THSD7A: variants seen among roughly 807,000 people sequenced by gnomAD.
THSD7A encodes the protein thrombospondin type 1 domain containing 7A.
In THSD7A, 96 loss-of-function variants were observed where a neutral mutation model predicts 231.3. That is an observed-to-expected ratio of 0.41 (90% CI 0.35 to 0.49). The LOEUF (loss-of-function observed/expected upper bound fraction) is 0.49. THSD7A is among the 20% of genes least tolerant of loss of function. The probability of loss-of-function intolerance (pLI) is 0.05; values close to 1 mark genes in which losing one functional copy is unlikely to be tolerated. For missense variants in THSD7A, 2,290 were observed against 2,070.2 expected, an observed-to-expected ratio of 1.11 and a Z score of -2.06; for synonymous variants, 940 against 743.3, an observed-to-expected ratio of 1.26 and a Z score of -4.30.
At chr7:11,487,613 T>C (rs953937835) in intron 6 of THSD7A, among the ~76,000 whole-genome samples, 1 of 152,110 alleles carries the variant, frequency 6.6e-6, no homozygotes, top group Non-Finnish European at 1.5e-5. Flanking sequence ...TTTAATGGAC[T>C]TACAGTTCCA....
intron 1 of THSD7A, among the ~76,000 whole-genome samples, chr7:11,759,306 A>T (rs1003810518): frequency 1.2e-4 from 18 of 152,242 alleles, no homozygotes; most frequent in African/African-American, 4.3e-4. Flanking sequence ...ATGTAATTTG[A>T]AAAAGAACCA....
At chr7:11,651,736 G>A (rs56839529) in intron 1 of THSD7A, among the ~76,000 whole-genome samples, 129 of 152,024 alleles carry the variant, frequency 8.5e-4, no homozygotes, top group African/African-American at 2.9e-3. Context: ...TATAGATCTG[G>A]TAGCTTTTCT....
At chr7:11,452,297 T>C (rs1283447311) in intron 11 of THSD7A, among the ~76,000 whole-genome samples, 9 of 152,140 alleles carry the variant, frequency 5.9e-5, no homozygotes, top group South Asian at 2.1e-4. Context: ...TAATTGTGCT[T>C]AGAAATAAGA....
At chr7:11,694,068 G>C (rs763429597) in intron 1 of THSD7A, among the ~76,000 whole-genome samples, 17 of 151,480 alleles carry the variant, frequency 1.1e-4, no homozygotes, top group Admixed American at 8.6e-4. Flanking sequence ...CTATATAAAA[G>C]TATGAATGAA....
At position 11,831,827 on chromosome 7, in the gene THSD7A, T is replaced by TAGCAGC; in HGVS notation, c.114_119dup (p.Leu39_Leu40dup). 7.0e-7 allele frequency: 1 copy of TAGCAGC among 1,434,610 alleles called. No individual in the cohort carries two copies. The highest frequency in any genetic ancestry group is 9.2e-7 in the Non-Finnish European group (1 of 1,090,126). The allele number at this position is 1,434,610 out of a possible 1,614,324, so 88.9% of individuals were successfully genotyped here. A position where few individuals can be genotyped will look rare whatever the true frequency, so the allele number is the denominator to read the frequency against. Reference sequence around the variant, plus strand: ...CCGCAGCCCTGCCGGCGCCCGGGCGTAGCAGCAGCAGCAGGAGCAGCGGCA... The same window carrying TAGCAGC: ...CCGCAGCCCTGCCGGCGCCCGGGCGTAGCAGCAGCAGCAGCAGCAGGAGCAGCGGCA... On this transcript the variant is annotated inframe_insertion, in exon 1 of 28. Coordinates refer to ENST00000423059, the MANE Select transcript of THSD7A (RefSeq NM_015204.3). This position sits in a 1 kb window ranked among gnomAD's most constrained non-coding sequence, Gnocchi z 5.0.
intron 2 of THSD7A, among the ~76,000 whole-genome samples, chr7:11,616,619 C>T (rs1037647669): frequency 6.6e-6 from 1 of 152,172 alleles, no homozygotes; most frequent in East Asian, 1.9e-4. Context: ...CACTTAAGTG[C>T]CAGGAAGTAG....
chr7:11,502,094 C>A (rs1268688846), intron 6 of THSD7A, among the ~76,000 whole-genome samples: 1 of 152,056 alleles, frequency 6.6e-6, no homozygotes, highest in African/African-American at 2.4e-5. Context: ...AAATTGATTC[C>A]TTGAAAAGAC....
intron 1 of THSD7A, among the ~76,000 whole-genome samples, chr7:11,827,270 A>G (rs930954230): frequency 2.0e-5 from 3 of 152,120 alleles, no homozygotes; most frequent in African/African-American, 7.2e-5. Context: ...CATACCACTT[A>G]GTTATTCAAC....
chr7:11,658,439 T>G (rs778698301), intron 1 of THSD7A, among the ~76,000 whole-genome samples: 1 of 151,628 alleles, frequency 6.6e-6, no homozygotes, highest in African/African-American at 2.4e-5. Flanking sequence ...AGATAGGCCT[T>G]TTTTTTCACT....
chr7:11,757,390 C>T lies in THSD7A; in HGVS notation c.190+74367G>A, dbSNP rs902026585. 3.9e-5 allele frequency among the ~76,000 whole-genome samples: 6 copies of T among 152,066 alleles called. No homozygotes were observed. The East Asian group carries it at 1.2e-3, about 30-fold the overall frequency. On this transcript the variant is annotated intron_variant, in intron 1 of 27. Coordinates refer to ENST00000423059, the MANE Select transcript of THSD7A (RefSeq NM_015204.3). ...ACAAATGTTAAGGCATTTAGCAATGCTACATACTTTCAGAATACCTTTGTA... is the reference window on the plus strand; with the variant it reads ...ACAAATGTTAAGGCATTTAGCAATGTTACATACTTTCAGAATACCTTTGTA...
intron 1 of THSD7A, among the ~76,000 whole-genome samples, chr7:11,805,814 C>T (rs1234991978): frequency 1.3e-5 from 2 of 151,882 alleles, no homozygotes; most frequent in Non-Finnish European, 2.9e-5. Flanking sequence ...TTTAAAATGC[C>T]AAAATATTTT....
At chr7:11,470,151 T>A (rs1315763721) in intron 8 of THSD7A, among the ~76,000 whole-genome samples, 157 bp from the exon 9 acceptor site, 1 of 152,170 alleles carries the variant, frequency 6.6e-6, no homozygotes, top group Non-Finnish European at 1.5e-5. Context: ...AGGCAAGAAC[T>A]ATACAACTAA....
intron 1 of THSD7A, among the ~76,000 whole-genome samples, chr7:11,734,452 T>C (rs1781839763): frequency 2.0e-5 from 3 of 151,988 alleles, no homozygotes; most frequent in Admixed American, 2.0e-4. Context: ...TAAGAACCAA[T>C]GTCTCACATA....
chr7:11,487,083 T>A (rs962352634), intron 6 of THSD7A, among the ~76,000 whole-genome samples: 1 of 152,220 alleles, frequency 6.6e-6, no homozygotes, highest in Non-Finnish European at 1.5e-5. Flanking sequence ...GTTTTCATAA[T>A]CCACTATTCT....
intron 4 of THSD7A, among the ~76,000 whole-genome samples, chr7:11,560,787 G>T (rs559488757): frequency 7.0e-6 from 1 of 142,866 alleles, no homozygotes; most frequent in Non-Finnish European, 1.6e-5. Context: ...CTACGGGTGT[G>T]TTCCTGGTGG....
chr7:11,631,972 G>T (rs567035969), intron 2 of THSD7A, among the ~76,000 whole-genome samples: 1 of 152,226 alleles, frequency 6.6e-6, no homozygotes, highest in African/African-American at 2.4e-5. Flanking sequence ...TTTGCCCTTG[G>T]CTGGGATCTG....
In THSD7A at chr7:11,802,906, C is replaced by T. The variant is rs949279606; in HGVS notation, c.190+28851G>A. On this transcript the variant is annotated intron_variant, in intron 1 of 27. Coordinates refer to ENST00000423059, the MANE Select transcript of THSD7A (RefSeq NM_015204.3). ...ATGAGAAAATCTAGACATAACATTTCTTCCTTTAGAGATCTTAGACTCTTG... is the reference window on the plus strand; with the variant it reads ...ATGAGAAAATCTAGACATAACATTTTTTCCTTTAGAGATCTTAGACTCTTG... 2.0e-5 allele frequency among the ~76,000 whole-genome samples: 3 copies of T among 152,144 alleles called. No homozygotes were observed. In the South Asian group the frequency reaches 6.2e-4, roughly 31 times the overall value.
chr7:11,781,432 C>A (rs1405261056), intron 1 of THSD7A, among the ~76,000 whole-genome samples: 1 of 151,918 alleles, frequency 6.6e-6, no homozygotes, highest in Non-Finnish European at 1.5e-5. Flanking sequence ...GGTGGCAGAA[C>A]AAGACCCTGT....
At chr7:11,484,408 T>C (rs76844099) in intron 6 of THSD7A, among the ~76,000 whole-genome samples, 2,611 of 152,278 alleles carry the variant, frequency 0.017, 79 homozygotes, top group African/African-American at 0.059. Flanking sequence ...AATCCTGTTT[T>C]TCAACATTCA....
Sources: allele counts gnomAD v4.1 joint callset (sites outside exome capture counted in the v4.1 genomes callset), GRCh38; gene constraint gnomAD v4.1.1; non-coding constraint Gnocchi (gnomAD v3.1); transcripts MANE v1.5; gene names NCBI Gene and HGNC (gene_info 2026-07-23, HGNC 2026-07-21).